The following CHRM3 variants were observed in gnomAD, a reference collection of about 807,000 sequenced individuals.
The protein encoded by CHRM3 is cholinergic receptor muscarinic 3.
CHRM3 carries 11 observed loss-of-function variants against 41.8 expected under a neutral mutation model. That is an observed-to-expected ratio of 0.26 (90% CI 0.17 to 0.44). CHRM3 has a LOEUF of 0.44. Ranked by LOEUF, CHRM3 falls within the 20% of genes least tolerant of loss-of-function variation. The pLI is 1.00. For missense variants in CHRM3, 571 were observed against 745.4 expected, an observed-to-expected ratio of 0.77 and a Z score of 2.72; for synonymous variants, 297 against 301.4, an observed-to-expected ratio of 0.99 and a Z score of 0.15.
At chr1:239,896,760 T>C (rs1679039033) in intron 6 of CHRM3, among the ~76,000 whole-genome samples, 1 of 152,164 alleles carries the variant, frequency 6.6e-6, no homozygotes, top group Admixed American at 6.5e-5. Context: ...AGCGTCTGCC[T>C]ACTATATGTC....
chr1:239,459,144 G>A (rs1428590456), intron 1 of CHRM3, among the ~76,000 whole-genome samples: 1 of 152,102 alleles, frequency 6.6e-6, no homozygotes, highest in African/African-American at 2.4e-5. Context: ...CCAGTGGCTA[G>A]AAAGATATTT....
At chr1:239,659,166 G>A (rs796269293) in intron 4 of CHRM3, among the ~76,000 whole-genome samples, 3 of 152,064 alleles carry the variant, frequency 2.0e-5, no homozygotes, top group South Asian at 4.2e-4. Context: ...TCTGCTTTAT[G>A]TTCTCTTTCT....
intron 6 of CHRM3, among the ~76,000 whole-genome samples, chr1:239,859,190 A>G (rs554488959): frequency 2.0e-5 from 3 of 152,212 alleles, no homozygotes; most frequent in Non-Finnish European, 2.9e-5. Flanking sequence ...AGATGGCTGT[A>G]ACATTTTACA....
chr1:239,672,599 TACACACACAC>T (rs35094370), intron 4 of CHRM3, among the ~76,000 whole-genome samples: 14 of 145,842 alleles, frequency 9.6e-5, no homozygotes, highest in African/African-American at 2.8e-4. Flanking sequence ...TTCTTCCCAC[TACACACACAC>T]ACACACACAC....
At chr1:239,415,208 G>T (rs989302602) in intron 1 of CHRM3, among the ~76,000 whole-genome samples, 2 of 152,210 alleles carry the variant, frequency 1.3e-5, no homozygotes, top group Admixed American at 6.5e-5. Context: ...GGGAGGCCAA[G>T]GCAGGAGGAT....
chr1:239,716,415 A>G (rs1662369899), intron 5 of CHRM3, among the ~76,000 whole-genome samples: 1 of 152,086 alleles, frequency 6.6e-6, no homozygotes, highest in Admixed American at 6.6e-5. Flanking sequence ...ATTGTAGTGA[A>G]TAATAGGGAG....
At chr1:239,859,062 C>A (rs1013417375) in intron 6 of CHRM3, among the ~76,000 whole-genome samples, 3 of 152,114 alleles carry the variant, frequency 2.0e-5, no homozygotes, top group African/African-American at 7.2e-5. Flanking sequence ...CATTTATGTA[C>A]AAGTTTCAGG....
intron 2 of CHRM3, among the ~76,000 whole-genome samples, chr1:239,539,401 C>T (rs1658517140): frequency 6.6e-6 from 1 of 152,186 alleles, no homozygotes; most frequent in African/African-American, 2.4e-5. Context: ...TAGCCTTCCA[C>T]AGCCCTCAGA....
chr1:239,561,426 G>A (rs1306955766), intron 3 of CHRM3, among the ~76,000 whole-genome samples: 1 of 152,030 alleles, frequency 6.6e-6, no homozygotes, highest in African/African-American at 2.4e-5. Flanking sequence ...CGTGGGCTGA[G>A]ATGCTATTTT....
intron 5 of CHRM3, among the ~76,000 whole-genome samples, chr1:239,819,882 TC>T (rs1671895123): frequency 6.6e-6 from 1 of 152,118 alleles, no homozygotes; most frequent in Non-Finnish European, 1.5e-5. Flanking sequence ...ATTCCGTACT[TC>T]CCTCCCCACA....
intron 4 of CHRM3, among the ~76,000 whole-genome samples, chr1:239,648,138 G>C (rs552483093): frequency 1.3e-5 from 2 of 152,240 alleles, no homozygotes; most frequent in South Asian, 4.2e-4. Flanking sequence ...CCTCTACCCT[G>C]AAAGAAAGAT....
At chr1:239,731,746 C>T (rs17597501) in intron 5 of CHRM3, among the ~76,000 whole-genome samples, 2,870 of 152,022 alleles carry the variant, frequency 0.019, 45 homozygotes, top group Middle Eastern at 0.041. Flanking sequence ...TGAAATGCAT[C>T]TTTTGCCAAC....
intron 1 of CHRM3, among the ~76,000 whole-genome samples, chr1:239,491,670 T>C (rs1035840351): frequency 6.6e-6 from 1 of 152,240 alleles, no homozygotes; most frequent in East Asian, 1.9e-4. Flanking sequence ...CTCTCGGACA[T>C]ACTGACTTCA....
At chr1:239,434,059 A>ATGC (rs1663042581) in intron 1 of CHRM3, among the ~76,000 whole-genome samples, 1 of 152,140 alleles carries the variant, frequency 6.6e-6, no homozygotes, top group Non-Finnish European at 1.5e-5. Context: ...ATAGTGGTTC[A>ATGC]ACACATGCAA....
chr1:239,781,204 C>T (rs1385270270), intron 5 of CHRM3, among the ~76,000 whole-genome samples: 1 of 152,244 alleles, frequency 6.6e-6, no homozygotes, highest in African/African-American at 2.4e-5. Context: ...GAGTAACTGA[C>T]ATCTGGACAA....
intron 3 of CHRM3, among the ~76,000 whole-genome samples, chr1:239,604,751 T>C (rs920171240): frequency 1.3e-5 from 2 of 152,216 alleles, no homozygotes; most frequent in East Asian, 3.8e-4. Context: ...TTCCTTAATC[T>C]AGGGATTTGC....
At chr1:239,461,368 G>A (rs1200815277) in intron 1 of CHRM3, among the ~76,000 whole-genome samples, 1 of 152,032 alleles carries the variant, frequency 6.6e-6, no homozygotes, top group Non-Finnish European at 1.5e-5. Flanking sequence ...ATAGAAGATG[G>A]GGTGTTTGAA....
In CHRM3 at chr1:239,742,224, A is replaced by G. The variant is rs376172231; in HGVS notation, c.-147+63936A>G. 4.2e-4 allele frequency among the ~76,000 whole-genome samples: 64 copies of G among 152,306 alleles called. No individual in the cohort carries two copies. The South Asian group carries it at 0.012, about 28-fold the overall frequency. On this transcript the variant is annotated intron_variant, in intron 5 of 6. Coordinates refer to ENST00000676153, the MANE Select transcript of CHRM3 (RefSeq NM_001375978.1). ...TACATAAATTATTTGAAGAGCTGCT[A>G]TCTCAGTTATCTATTACTATAAAAC...
intron 3 of CHRM3, among the ~76,000 whole-genome samples, chr1:239,590,141 A>C (rs1327247037): frequency 6.6e-6 from 1 of 152,100 alleles, no homozygotes; most frequent in Non-Finnish European, 1.5e-5. Context: ...CTTTCTTCTC[A>C]TCATCCCTCA....
Sources: allele counts gnomAD v4.1 joint callset (sites outside exome capture counted in the v4.1 genomes callset), GRCh38; gene constraint gnomAD v4.1.1; transcripts MANE v1.5; gene names NCBI Gene and HGNC (gene_info 2026-07-23, HGNC 2026-07-21).